AP3M2: variants seen among roughly 807,000 people sequenced by gnomAD.
The protein encoded by AP3M2 is adaptor related protein complex 3 subunit mu 2.
Under a neutral mutation model 41.6 loss-of-function variants are expected in AP3M2, and 28 were observed. That is an observed-to-expected ratio of 0.67 (90% CI 0.50 to 0.92). The LOEUF (loss-of-function observed/expected upper bound fraction) is 0.92, where lower values mean the gene tolerates loss of function less well. AP3M2 is among the 40% of genes least tolerant of loss of function. AP3M2 has a pLI of 0.00. For synonymous variants in AP3M2, 193 were observed against 186.4 expected (o/e 1.04, Z -0.29); for missense variants, 427 against 521.4 (o/e 0.82, Z 1.76).
Position 42,169,122 on chromosome 8 carries a change from T to TAA in AP3M2, c.*69_*70dup. On this transcript the variant is annotated 3_prime_UTR_variant, in exon 9 of 9. Coordinates refer to ENST00000396926, the MANE Select transcript of AP3M2 (RefSeq NM_006803.4). ...TTTTCATTTCTTACTTGTCTAAAAG[T>TAA]AAAAAAAAATATCAGCCTGTCTCCT... 1.5e-6 allele frequency: 2 copies of TAA among 1,369,324 alleles called. No individual in the cohort carries two copies. Among genetic ancestry groups the TAA allele is most frequent in the East Asian group, 2.4e-5 (1 of 41,714 alleles). 84.8% of individuals were successfully genotyped at this position (1,369,324 alleles called of 1,614,324 possible).
At position 42,166,669 on chromosome 8, in the gene AP3M2, T is replaced by C. The variant is rs141295783; in HGVS notation, c.804-495T>C. 2.0e-5 allele frequency among the ~76,000 whole-genome samples: 3 copies of C among 147,858 alleles called. No individual in the cohort carries two copies. In the Admixed American group the frequency reaches 2.0e-4, roughly 10 times the overall value. On this transcript the variant is annotated intron_variant, in intron 6 of 8. Transcript: ENST00000396926. Reference sequence around the variant, plus strand: ...GTGGTCCCAGCTACTCAGGAGGCAGTGGTGGGAGGATCACTTGAGCCTGGT... The same window carrying C: ...GTGGTCCCAGCTACTCAGGAGGCAGCGGTGGGAGGATCACTTGAGCCTGGT...
intron 3 of AP3M2, among the ~76,000 whole-genome samples, chr8:42,161,648 G>A (rs1804508952): frequency 6.6e-6 from 1 of 151,900 alleles, no homozygotes; most frequent in Admixed American, 6.6e-5. Context: ...AAAGGATCCA[G>A]GTAATGGAAG....
At position 42,171,135 on chromosome 8, in the gene AP3M2, C is replaced by G. The variant is rs894199613; in HGVS notation, c.*2074C>G. ...TGGTTCCATGTGTGTTTAACATGTG[C>G]AGAAGTAGCTTCTCTGTTTAAGTTT... On this transcript the variant is annotated 3_prime_UTR_variant, in exon 9 of 9. Coordinates refer to ENST00000396926, the MANE Select transcript of AP3M2 (RefSeq NM_006803.4). The G allele has an allele frequency of 6.6e-6, 1 of 152,238 alleles. No individual in the cohort carries two copies. Among genetic ancestry groups the G allele is most frequent in the African/African-American group, 2.4e-5 (1 of 41,458 alleles). 9.4% of individuals were successfully genotyped at this position (152,238 alleles called of 1,614,324 possible). A position where few individuals can be genotyped will look rare whatever the true frequency, so the allele number is the denominator to read the frequency against.
chr8:42,156,040 G>GT (rs1246050800), intron 2 of AP3M2: 6 of 351,404 alleles, frequency 1.7e-5, no homozygotes, highest in Middle Eastern at 3.5e-4. Context: ...CAGTGAAAAC[G>GT]TAAGTATAAG....
chr8:42,155,933 A>G (rs774540610), intron 2 of AP3M2: 126 of 454,676 alleles, frequency 2.8e-4, no homozygotes, highest in Non-Finnish European at 5.0e-4. Flanking sequence ...TCCCTTCCCA[A>G]GAGAATTAAA....
At chr8:42,164,984 A>C (rs1804601527) in intron 4 of AP3M2, 87 bp from the exon 5 acceptor site, 2 of 1,138,244 alleles carry the variant, frequency 1.8e-6, no homozygotes, top group African/African-American at 3.1e-5. Context: ...GGGAGAGAGG[A>C]AGAGAAGGAG....
rs1191892523 is a variant in AP3M2, at chr8:42,170,300, AAGAC to A, written c.*1241_*1244del. ...ATATCTACCAGTCCCTTTTCATTCT[AAGAC>A]AAAACATTTCTCCTAAATCTCTGAA... is the stretch of plus-strand genomic sequence containing the variant. On this transcript the variant is annotated 3_prime_UTR_variant, in exon 9 of 9. Coordinates refer to ENST00000396926, the MANE Select transcript of AP3M2 (RefSeq NM_006803.4). The A allele has an allele frequency of 3.9e-5, 6 of 152,194 alleles. No individual in the cohort carries two copies. Among genetic ancestry groups the A allele is most frequent in the Non-Finnish European group, 7.3e-5 (5 of 68,036 alleles). The allele number at this position is 152,194 out of a possible 1,614,324, so 9.4% of individuals were successfully genotyped here. A position where few individuals can be genotyped will look rare whatever the true frequency, so the allele number is the denominator to read the frequency against.
chr8:42,168,896 A>G, intron 8 of AP3M2, 65 bp from the exon 9 acceptor site: 2 of 1,268,854 alleles, frequency 1.6e-6, no homozygotes, highest in East Asian at 2.5e-5. Flanking sequence ...GAACAGAAAC[A>G]GTTAGGCGAC....
intron 1 of AP3M2, chr8:42,154,070 A>C (rs1331295764): frequency 6.6e-6 from 1 of 152,126 alleles, no homozygotes; most frequent in Admixed American, 6.5e-5. Flanking sequence ...TATTGGTAAG[A>C]TATTTGAAAT....
chr8:42,160,913 AG>A (rs1804488458), intron 3 of AP3M2, among the ~76,000 whole-genome samples: 1 of 152,242 alleles, frequency 6.6e-6, no homozygotes, highest in Non-Finnish European at 1.5e-5. Context: ...AAGCCTTAAA[AG>A]CTTTGTTAGT....
intron 1 of AP3M2, 76 bp from the exon 2 acceptor site, chr8:42,154,540 A>C: frequency 1.7e-6 from 2 of 1,145,358 alleles, no homozygotes; most frequent in Non-Finnish European, 2.4e-6. Context: ...AAGATGGGTA[A>C]GTCTTGGACT....
At position 42,162,423 on chromosome 8, in the gene AP3M2, G is replaced by C; in HGVS notation, c.583+5G>C. On this transcript the variant is annotated splice_donor_5th_base_variant and intron_variant, in intron 4 of 8. Coordinates refer to ENST00000396926, the MANE Select transcript of AP3M2 (RefSeq NM_006803.4). ...ATGCAATTATTGATAAATCAGGTAG[G>C]TGCTTTTAATATGTTCTCAGAAATA... 1 of 1,600,006 alleles carries C rather than the reference G, an allele frequency of 6.2e-7. No individual in the cohort carries two copies. Among genetic ancestry groups the C allele is most frequent in the Non-Finnish European group, 8.5e-7 (1 of 1,173,426 alleles).
intron 4 of AP3M2, 73 bp from the exon 5 acceptor site, chr8:42,164,998 G>A: frequency 1.6e-6 from 2 of 1,286,574 alleles, no homozygotes; most frequent in East Asian, 2.4e-5. Context: ...GAAGGAGGGA[G>A]GAGATAAGTT....
chr8:42,166,271 G>A (rs909969098), intron 6 of AP3M2, among the ~76,000 whole-genome samples: 9 of 152,182 alleles, frequency 5.9e-5, no homozygotes, highest in African/African-American at 1.9e-4. Flanking sequence ...CATAGTTACA[G>A]TAGCAGTATC....
intron 8 of AP3M2, 140 bp from the exon 9 acceptor site, chr8:42,168,821 T>A: frequency 1.8e-6 from 1 of 561,906 alleles, no homozygotes; most frequent in Non-Finnish European, 3.1e-6. Context: ...GACTGGAGAA[T>A]CCATCTGCTC....
intron 6 of AP3M2, 93 bp downstream of exon 6, chr8:42,165,653 T>TA: frequency 1.4e-6 from 2 of 1,468,510 alleles, no homozygotes. Context: ...GCTCTAGAGT[T>TA]ACCTGGGTTC....
In AP3M2 at chr8:42,167,312, G is replaced by T. The variant is rs1188171701; in HGVS notation, c.952G>T (p.Val318Phe). ...TGTCACCAGCCAGATGCCCAAGGGGGTCCTGAACATGAGCCTTACTCCATC... is the reference window on the plus strand; with the variant it reads ...TGTCACCAGCCAGATGCCCAAGGGGTTCCTGAACATGAGCCTTACTCCATC... ...VTVTSQMPKG[V>F]LNMSLTPSQG... Residue 318 changes from valine (V) to phenylalanine (F), a missense_variant, in exon 7 of 9, where the codon GTC (valine) becomes TTC (phenylalanine). Physicochemically the swap from Val to Phe is conservative, Grantham distance 50. This residue lies in a region of AP3M2 where 237 missense variants were observed against 284.9 expected (regional missense o/e 0.83). Coordinates refer to ENST00000396926, the MANE Select transcript of AP3M2 (RefSeq NM_006803.4). 1.9e-6 allele frequency: 3 copies of T among 1,614,004 alleles called. No individual in the cohort carries two copies. Among genetic ancestry groups the T allele is most frequent in the East Asian group, 2.2e-5 (1 of 44,888 alleles).
chr8:42,165,392 C>A, intron 5 of AP3M2, 35 bp from the exon 6 acceptor site: 2 of 1,608,234 alleles, frequency 1.2e-6, no homozygotes, highest in Non-Finnish European at 1.7e-6. Context: ...GTGTTTAATG[C>A]CCACTTCTTG....
intron 4 of AP3M2, among the ~76,000 whole-genome samples, chr8:42,162,728 T>C (rs1402724633): frequency 6.6e-6 from 1 of 152,044 alleles, no homozygotes; most frequent in Non-Finnish European, 1.5e-5. Flanking sequence ...GAGGATTGCT[T>C]GAGCCCAGGA....
Sources: gnomAD v4.1 joint callset for allele counts (sites outside exome capture counted in the v4.1 genomes callset) on GRCh38, gnomAD v4.1.1 for gene constraint, gnomAD v4.1.1 regional missense constraint, MANE v1.5 for transcripts, NCBI Gene and HGNC (gene_info 2026-07-23, HGNC 2026-07-21) for gene names.